Variants in RHPN2 observed in about 807,000 individuals in gnomAD.
RHPN2 encodes the protein rhophilin Rho GTPase binding protein 2, also known as rhophilin-2.
In RHPN2, 40 loss-of-function variants were observed where a neutral mutation model predicts 79.0. The ratio of observed to expected loss-of-function variants is 0.51; its 90% confidence interval spans 0.39 to 0.66. The LOEUF (loss-of-function observed/expected upper bound fraction) is 0.66, where lower values mean the gene tolerates loss of function less well. Among genes scored for constraint, RHPN2 ranks in the 30% least tolerant of loss-of-function variants. The pLI is 0.00. For missense variants in RHPN2, 686 were observed against 883.5 expected (o/e 0.78, Z 2.83); for synonymous variants, 285 against 363.5 (o/e 0.78, Z 2.46).
intron 1 of RHPN2, among the ~76,000 whole-genome samples, chr19:33,054,601 C>T (rs564607226): frequency 1.3e-5 from 2 of 152,300 alleles, no homozygotes; most frequent in South Asian, 2.1e-4. Context: ...GTGGTGTCTC[C>T]GTCCCTGGTG....
At chr19:33,048,831 G>A (rs936265646) in intron 1 of RHPN2, among the ~76,000 whole-genome samples, 5 of 150,596 alleles carry the variant, frequency 3.3e-5, no homozygotes, top group African/African-American at 9.8e-5. Flanking sequence ...AAATGACGAC[G>A]ATTCAGTTTG....
At chr19:33,032,775 G>T (rs1340370751) in intron 2 of RHPN2, among the ~76,000 whole-genome samples, 1 of 152,042 alleles carries the variant, frequency 6.6e-6, no homozygotes, top group East Asian at 1.9e-4. Flanking sequence ...ATCAGGAATG[G>T]GTTCATTTCT....
At position 33,064,877 on chromosome 19, in the gene RHPN2, G is replaced by T; in HGVS notation, c.-25C>A. On this transcript the variant is annotated 5_prime_UTR_variant, in exon 1 of 15. Transcript: ENST00000254260. ...TGCTAGCGGCGCGGGCGCGGAGGGCGGACGGCGGACTGAGGCGCGGCGGCT... is the reference window on the plus strand; with the variant it reads ...TGCTAGCGGCGCGGGCGCGGAGGGCTGACGGCGGACTGAGGCGCGGCGGCT... 6.7e-7 allele frequency: 1 copy of T among 1,494,066 alleles called. No homozygotes were observed. The highest frequency in any genetic ancestry group is 8.9e-7 in the Non-Finnish European group (1 of 1,128,454). 92.6% of individuals were successfully genotyped at this position (1,494,066 alleles called of 1,614,324 possible).
At chr19:33,062,643 C>T (rs570326863) in intron 1 of RHPN2, among the ~76,000 whole-genome samples, 11 of 151,326 alleles carry the variant, frequency 7.3e-5, no homozygotes, top group South Asian at 6.3e-4. Flanking sequence ...TGGTGGCAGG[C>T]GCCTGTAATC....
At chr19:33,043,042 G>A (rs1972113000) in intron 2 of RHPN2, among the ~76,000 whole-genome samples, 2 of 150,764 alleles carry the variant, frequency 1.3e-5, no homozygotes, top group Admixed American at 6.7e-5. Flanking sequence ...TCACGCCACT[G>A]CACTCTAGCC....
chr19:32,996,630 G>A (rs572707414), intron 10 of RHPN2, among the ~76,000 whole-genome samples: 1 of 152,068 alleles, frequency 6.6e-6, no homozygotes, highest in Non-Finnish European at 1.5e-5. Context: ...TGTATTTTTT[G>A]TAACTGCTTC....
intron 1 of RHPN2, among the ~76,000 whole-genome samples, chr19:33,057,334 C>T (rs370679787): frequency 1.3e-5 from 2 of 151,676 alleles, no homozygotes; most frequent in Non-Finnish European, 2.9e-5. Context: ...CACAGCAACA[C>T]CCTGTCAAAA....
intron 4 of RHPN2, 83 bp from the exon 5 acceptor site, chr19:33,012,807 C>A (rs1971846043): frequency 2.6e-6 from 2 of 782,076 alleles, no homozygotes; most frequent in African/African-American, 3.4e-5. Context: ...AATTGTGAAC[C>A]CATTTTTAAA....
intron 2 of RHPN2, among the ~76,000 whole-genome samples, chr19:33,043,934 A>C (rs974673628): frequency 9.9e-5 from 15 of 152,172 alleles, no homozygotes; most frequent in African/African-American, 3.6e-4. Context: ...CAGTGGAGAA[A>C]ATAGACAAGT....
intron 2 of RHPN2, among the ~76,000 whole-genome samples, chr19:33,040,175 T>C (rs1389090624): frequency 6.6e-6 from 1 of 151,836 alleles, no homozygotes; most frequent in African/African-American, 2.4e-5. Flanking sequence ...GACCTGCTCT[T>C]GTTCAAAGAA....
rs557277199 is a variant in RHPN2 at position 33,036,911 on chromosome 19, C to T, written c.185+7338G>A. On this transcript the variant is annotated intron_variant, in intron 2 of 14. Transcript: ENST00000254260. ...CTGTGGGCTCCTGTGTAGCCCGAGC[C>T]TCCCCGACGAGCGCCGCCCCCTGCT... Among the ~76,000 whole-genome samples, 8 of 151,252 alleles carry T rather than the reference C, an allele frequency of 5.3e-5. No homozygotes were observed. In the South Asian group the frequency reaches 1.7e-3, roughly 31 times the overall value.
intron 7 of RHPN2, among the ~76,000 whole-genome samples, chr19:33,006,472 T>C (rs1971792215): frequency 6.6e-6 from 1 of 152,148 alleles, no homozygotes; most frequent in Non-Finnish European, 1.5e-5. Flanking sequence ...AAAGCTATGG[T>C]TCTTCACAAG....
At chr19:32,998,766 AAAGCAAC>A (rs1971723868) in intron 10 of RHPN2, among the ~76,000 whole-genome samples, 1 of 146,372 alleles carries the variant, frequency 6.8e-6, no homozygotes, top group African/African-American at 2.5e-5. Context: ...AGAGAAAAGG[AAAGCAAC>A]AAGGAACAAG....
At chr19:33,018,808 GC>G (rs1321879070) in intron 4 of RHPN2, among the ~76,000 whole-genome samples, 1 of 152,074 alleles carries the variant, frequency 6.6e-6, no homozygotes, top group Non-Finnish European at 1.5e-5. Flanking sequence ...ACTTTGGGAG[GC>G]CGAGGCGGGT....
At position 33,019,309 on chromosome 19, in the gene RHPN2, G is replaced by T. The variant is rs142370247; in HGVS notation, c.390+2262C>A. On this transcript the variant is annotated intron_variant, in intron 4 of 14. Transcript: ENST00000254260. Reference sequence around the variant, plus strand: ...AAAATACAAAAATTAGCCAGGCATGGTGGCTCACGCCTGTAATCCCAGCAC... The same window carrying T: ...AAAATACAAAAATTAGCCAGGCATGTTGGCTCACGCCTGTAATCCCAGCAC... Among the ~76,000 whole-genome samples the T allele has an allele frequency of 1.4e-3, 220 of 152,224 alleles. 1 individual carries two copies. The highest frequency in any genetic ancestry group is 2.3e-3 in the Non-Finnish European group (155 of 68,010).
intron 12 of RHPN2, among the ~76,000 whole-genome samples, chr19:32,993,060 G>A (rs1971673544): frequency 6.6e-6 from 1 of 152,096 alleles, no homozygotes; most frequent in Admixed American, 6.6e-5. Context: ...TCAGGCTGCA[G>A]TGAGCTATGA....
At chr19:32,996,284 G>A in intron 10 of RHPN2, 64 bp from the exon 11 acceptor site, 3 of 1,561,786 alleles carry the variant, frequency 1.9e-6, no homozygotes, top group Non-Finnish European at 2.6e-6. Context: ...AAAGGCCCAA[G>A]GGGCAGCCCA....
intron 10 of RHPN2, among the ~76,000 whole-genome samples, chr19:32,998,537 C>T (rs1971721346): frequency 6.6e-6 from 1 of 151,884 alleles, no homozygotes; most frequent in Admixed American, 6.6e-5. Flanking sequence ...GTCCCAGCTA[C>T]TCAGGAGGCT....
chr19:33,018,572 T>G (rs1971896779), intron 4 of RHPN2, among the ~76,000 whole-genome samples: 1 of 152,150 alleles, frequency 6.6e-6, no homozygotes, highest in East Asian at 1.9e-4. Context: ...AACTTTCCAG[T>G]AAACTTGAGT....
Sources: gnomAD v4.1 joint callset for allele counts (sites outside exome capture counted in the v4.1 genomes callset) on GRCh38, gnomAD v4.1.1 for gene constraint, MANE v1.5 for transcripts, NCBI Gene and HGNC (gene_info 2026-07-23, HGNC 2026-07-21) for gene names.